The following KCNB2 variants were observed in gnomAD, a reference collection of about 807,000 sequenced individuals.
KCNB2 encodes the protein delayed rectifier potassium channel protein.
A neutral mutation model predicts 61.5 loss-of-function variants in KCNB2; 15 were observed. That is an observed-to-expected ratio of 0.24 (90% CI 0.16 to 0.38). KCNB2 has a LOEUF of 0.38. Ranked by LOEUF, KCNB2 falls within the 10% of genes least tolerant of loss-of-function variation. KCNB2 has a pLI of 1.00. For missense variants in KCNB2, 828 were observed against 1,125.2 expected (o/e 0.74, Z 3.78); for synonymous variants, 457 against 446.0 (o/e 1.02, Z -0.31).
chr8:72,561,754 T>TAC (rs1806530180), intron 1 of KCNB2, among the ~76,000 whole-genome samples: 3 of 25,766 alleles, frequency 1.2e-4, no homozygotes, highest in African/African-American at 7.7e-4. Flanking sequence ...TATGTATATA[T>TAC]ATATATGGAT....
intron 2 of KCNB2, among the ~76,000 whole-genome samples, chr8:72,802,628 A>G (rs1278083205): frequency 6.6e-6 from 1 of 152,076 alleles, no homozygotes; most frequent in Non-Finnish European, 1.5e-5. Flanking sequence ...TGGGGATGAC[A>G]ATATTGAAAG....
chr8:72,712,282 G>C (rs1325740911), intron 2 of KCNB2, among the ~76,000 whole-genome samples: 1 of 152,250 alleles, frequency 6.6e-6, no homozygotes, highest in African/African-American at 2.4e-5. Context: ...GCCACATCAG[G>C]CTGTAAGGCC....
chr8:72,752,682 C>T (rs1808212655), intron 2 of KCNB2, among the ~76,000 whole-genome samples: 1 of 152,158 alleles, frequency 6.6e-6, no homozygotes, highest in African/African-American at 2.4e-5. Flanking sequence ...TCTCAGCCTC[C>T]ATAATCACAT....
intron 1 of KCNB2, among the ~76,000 whole-genome samples, chr8:72,553,069 T>A (rs532346761): frequency 6.6e-5 from 10 of 152,078 alleles, no homozygotes; most frequent in African/African-American, 2.2e-4. Context: ...AACAAAAAAA[T>A]TTAAAAAAAA....
chr8:72,700,445 T>C (rs530326261), intron 2 of KCNB2, among the ~76,000 whole-genome samples: 2 of 151,988 alleles, frequency 1.3e-5, no homozygotes, highest in South Asian at 2.1e-4. Flanking sequence ...AAGTGGCCAA[T>C]AAACATATGA....
intron 2 of KCNB2, among the ~76,000 whole-genome samples, chr8:72,716,993 A>C (rs1308408958): frequency 2.0e-5 from 3 of 151,900 alleles, no homozygotes; most frequent in Non-Finnish European, 4.4e-5. Context: ...ATGTACAAAA[A>C]TCACAAGCAT....
At chr8:72,815,836 T>C (rs1160053638) in intron 2 of KCNB2, among the ~76,000 whole-genome samples, 1 of 152,060 alleles carries the variant, frequency 6.6e-6, no homozygotes, top group Non-Finnish European at 1.5e-5. Context: ...TCCCTAGAAC[T>C]CTGAGAGCAA....
chr8:72,861,373 G>T (rs541296643), intron 2 of KCNB2, among the ~76,000 whole-genome samples: 2 of 152,240 alleles, frequency 1.3e-5, no homozygotes, highest in African/African-American at 4.8e-5. Context: ...AAAAGCCAAG[G>T]AATGCTGTCT....
At chr8:72,830,896 A>G (rs1375263691) in intron 2 of KCNB2, among the ~76,000 whole-genome samples, 2 of 152,254 alleles carry the variant, frequency 1.3e-5, no homozygotes, top group African/African-American at 4.8e-5. Context: ...AATGAGGAGG[A>G]GATTGAGATA....
chr8:72,827,651 G>T (rs1204452805), intron 2 of KCNB2, among the ~76,000 whole-genome samples: 3 of 152,090 alleles, frequency 2.0e-5, no homozygotes, highest in Admixed American at 6.5e-5. Flanking sequence ...TTTTTCTGTA[G>T]CTGGGCTCCC....
chr8:72,890,027 G>A (rs188022484), intron 2 of KCNB2, among the ~76,000 whole-genome samples: 3 of 152,236 alleles, frequency 2.0e-5, no homozygotes, highest in Non-Finnish European at 4.4e-5. Context: ...GATTACAGGC[G>A]TGAGCCAACA....
At chr8:72,679,383 CT>C (rs1806715399) in intron 2 of KCNB2, among the ~76,000 whole-genome samples, 1 of 152,158 alleles carries the variant, frequency 6.6e-6, no homozygotes, top group South Asian at 2.1e-4. Context: ...TGGCAAGAGC[CT>C]TTCATCACAT....
chr8:72,572,973 T>G (rs1806737749), intron 2 of KCNB2, among the ~76,000 whole-genome samples: 1 of 152,096 alleles, frequency 6.6e-6, no homozygotes, highest in Non-Finnish European at 1.5e-5. Context: ...CATCCTTGGA[T>G]CAAGTCGGGA....
intron 2 of KCNB2, among the ~76,000 whole-genome samples, chr8:72,766,202 A>ACC: frequency 6.6e-6 from 1 of 152,282 alleles, no homozygotes; most frequent in African/African-American, 2.4e-5. Flanking sequence ...GCTTTAAAGA[A>ACC]CACAGATTCC....
intron 2 of KCNB2, among the ~76,000 whole-genome samples, chr8:72,795,518 A>G (rs1395981306): frequency 2.6e-5 from 4 of 152,258 alleles, no homozygotes; most frequent in Non-Finnish European, 4.4e-5. Context: ...AATACAATGC[A>G]TGAGCAAATC....
At position 72,705,136 on chromosome 8, in the gene KCNB2, G is replaced by T. The variant is rs146471417; in HGVS notation, c.579+136823G>T. Among the ~76,000 whole-genome samples, 27 of 152,254 alleles carry T rather than the reference G, an allele frequency of 1.8e-4. No homozygotes were observed. In the East Asian group the frequency reaches 5.0e-3, roughly 28 times the overall value. ...TCAGATGGACCCTCTCTTTCTGCAT[G>T]AGTGAGTCCCTTTGACATCTTTTCT... On this transcript the variant is annotated intron_variant, in intron 2 of 2. Transcript: ENST00000523207.
At chr8:72,797,582 A>G (rs1563388234) in intron 2 of KCNB2, among the ~76,000 whole-genome samples, 1 of 152,228 alleles carries the variant, frequency 6.6e-6, no homozygotes, top group African/African-American at 2.4e-5. Context: ...AAATAGGAGT[A>G]GCTTAATAAA....
chr8:72,571,910 A>G (rs1323872410), intron 2 of KCNB2, among the ~76,000 whole-genome samples: 1 of 152,222 alleles, frequency 6.6e-6, no homozygotes, highest in Non-Finnish European at 1.5e-5. Flanking sequence ...TGGACTGGAA[A>G]CATTTTTCTC....
chr8:72,816,180 A>T (rs1809393358), intron 2 of KCNB2, among the ~76,000 whole-genome samples: 1 of 152,192 alleles, frequency 6.6e-6, no homozygotes, highest in Non-Finnish European at 1.5e-5. Flanking sequence ...AAGAGGGAAG[A>T]TTGAACAGAT....
Sources: gnomAD v4.1 joint callset for allele counts (sites outside exome capture counted in the v4.1 genomes callset) on GRCh38, gnomAD v4.1.1 for gene constraint, MANE v1.5 for transcripts, NCBI Gene and HGNC (gene_info 2026-07-23, HGNC 2026-07-21) for gene names.